Variants in WWOX observed in about 807,000 individuals in gnomAD.
The protein encoded by WWOX is WW domain-containing oxidoreductase.
WWOX carries 69 observed loss-of-function variants against 46.2 expected under a neutral mutation model. That is an observed-to-expected ratio of 1.49 (90% CI 1.23 to 1.82). The LOEUF is 1.82. Ranked by LOEUF, WWOX falls within the 40% of genes most tolerant of loss-of-function variation. WWOX has a pLI of 0.00. For synonymous variants in WWOX, 359 were observed against 202.6 expected (o/e 1.77, Z -6.56); for missense variants, 919 against 542.6 (o/e 1.69, Z -6.89).
intron 5 of WWOX, among the ~76,000 whole-genome samples, chr16:78,385,337 A>G (rs1311215790): frequency 6.6e-6 from 1 of 152,192 alleles, no homozygotes; most frequent in Admixed American, 6.5e-5. Flanking sequence ...GCATCGGGAC[A>G]AGAGTTTTAC....
At chr16:78,826,383 C>T (rs566074608) in intron 8 of WWOX, among the ~76,000 whole-genome samples, 84 of 152,316 alleles carry the variant, frequency 5.5e-4, no homozygotes, top group African/African-American at 2.0e-3. Context: ...TCTCACAGTT[C>T]TGGAGGCCAG....
At chr16:78,660,290 C>T (rs530060119) in intron 8 of WWOX, among the ~76,000 whole-genome samples, 3 of 152,130 alleles carry the variant, frequency 2.0e-5, no homozygotes, top group Non-Finnish European at 2.9e-5. Context: ...CTAAAATGCA[C>T]TTCCGTACAC....
At chr16:78,546,846 G>A (rs1423521499) in intron 8 of WWOX, among the ~76,000 whole-genome samples, 1 of 152,146 alleles carries the variant, frequency 6.6e-6, no homozygotes, top group East Asian at 1.9e-4. Flanking sequence ...CCAGACCTGG[G>A]CCAGGCCCGG....
intron 5 of WWOX, among the ~76,000 whole-genome samples, chr16:78,315,615 A>C (rs573328186): frequency 4.3e-4 from 66 of 152,232 alleles, no homozygotes; most frequent in Admixed American, 3.6e-3. Flanking sequence ...ATGCCACTGT[A>C]CTCCAGCCTG....
intron 8 of WWOX, among the ~76,000 whole-genome samples, chr16:78,702,025 ATATATATATATATATAT>A (rs2048229788): frequency 1.6e-5 from 2 of 121,794 alleles, no homozygotes; most frequent in African/African-American, 8.3e-5. Context: ...ATATATATAT[ATATATATATATATATAT>A]ATAAAATAAT....
At chr16:78,120,011 G>C (rs578152819) in intron 4 of WWOX, among the ~76,000 whole-genome samples, 9 of 152,024 alleles carry the variant, frequency 5.9e-5, no homozygotes, top group Non-Finnish European at 1.2e-4. Context: ...TTGAGCCAAA[G>C]GACCCATTAA....
At chr16:78,604,379 G>A (rs1279092809) in intron 8 of WWOX, among the ~76,000 whole-genome samples, 1 of 152,016 alleles carries the variant, frequency 6.6e-6, no homozygotes, top group African/African-American at 2.4e-5. Context: ...ATGGGCCCTC[G>A]TTTATTCAGC....
chr16:79,017,850 G>T (rs1443198967), intron 8 of WWOX, among the ~76,000 whole-genome samples: 1 of 152,096 alleles, frequency 6.6e-6, no homozygotes, highest in Admixed American at 6.5e-5. Context: ...ACAGGCTGGT[G>T]GGCTGGATTT....
At chr16:78,806,917 A>C (rs1432271046) in intron 8 of WWOX, among the ~76,000 whole-genome samples, 1 of 152,206 alleles carries the variant, frequency 6.6e-6, no homozygotes, top group Non-Finnish European at 1.5e-5. Flanking sequence ...GTATTTGGCA[A>C]GGGGTCAGGA....
intron 8 of WWOX, among the ~76,000 whole-genome samples, chr16:78,782,255 C>T (rs1330475191): frequency 1.3e-5 from 2 of 152,164 alleles, no homozygotes; most frequent in Non-Finnish European, 2.9e-5. Flanking sequence ...TTCTGTCTTC[C>T]CTCTAGTGAC....
intron 8 of WWOX, among the ~76,000 whole-genome samples, chr16:78,974,820 T>G (rs150281786): frequency 2.2e-4 from 33 of 152,278 alleles, no homozygotes; most frequent in Non-Finnish European, 3.8e-4. Context: ...ACCCACAACC[T>G]AAGCCGGGAA....
At chr16:78,958,310 C>G (rs1354665627) in intron 8 of WWOX, among the ~76,000 whole-genome samples, 4 of 152,062 alleles carry the variant, frequency 2.6e-5, no homozygotes, top group Non-Finnish European at 4.4e-5. Flanking sequence ...AACATTTACT[C>G]TATTACTGAA....
chr16:78,983,987 C>T (rs977506210), intron 8 of WWOX, among the ~76,000 whole-genome samples: 1 of 142,314 alleles, frequency 7.0e-6, no homozygotes, highest in African/African-American at 2.6e-5. Context: ...ACGCTATTCT[C>T]CTGCCTCAGC....
At chr16:78,330,920 C>CT (rs1567505693) in intron 5 of WWOX, among the ~76,000 whole-genome samples, 1 of 152,178 alleles carries the variant, frequency 6.6e-6, no homozygotes, top group African/African-American at 2.4e-5. Flanking sequence ...AGTCTCTCCA[C>CT]TTTATTTTTA....
intron 5 of WWOX, 149 bp from the exon 6 acceptor site, chr16:78,386,710 TC>T: frequency 1.9e-6 from 1 of 530,710 alleles, no homozygotes; most frequent in East Asian, 5.8e-5. Context: ...GCCCTGTTCT[TC>T]CATTCATTCC....
At chr16:78,957,496 C>G (rs1288207357) in intron 8 of WWOX, among the ~76,000 whole-genome samples, 2 of 152,178 alleles carry the variant, frequency 1.3e-5, no homozygotes, top group African/African-American at 4.8e-5. Context: ...GGCTGAGACA[C>G]CAGAACAGGT....
intron 8 of WWOX, among the ~76,000 whole-genome samples, chr16:78,668,519 C>T (rs978148875): frequency 2.0e-5 from 3 of 152,102 alleles, no homozygotes; most frequent in Non-Finnish European, 4.4e-5. Context: ...TGAGTAAGAA[C>T]AAGCAGGAAC....
intron 8 of WWOX, among the ~76,000 whole-genome samples, chr16:78,531,688 C>G (rs570223184): frequency 5.9e-5 from 9 of 151,930 alleles, no homozygotes; most frequent in Non-Finnish European, 1.0e-4. Context: ...ACTAAAAATA[C>G]AAAAATTTTT....
chr16:78,707,286 A>T (rs561337791), intron 8 of WWOX, among the ~76,000 whole-genome samples: 8 of 152,382 alleles, frequency 5.2e-5, no homozygotes, highest in South Asian at 2.1e-4. Context: ...AAGTTAACGT[A>T]CATGCAAAAA....
Sources: allele counts gnomAD v4.1 joint callset (sites outside exome capture counted in the v4.1 genomes callset), GRCh38; gene constraint gnomAD v4.1.1; transcripts MANE v1.5; gene names NCBI Gene and HGNC (gene_info 2026-07-23, HGNC 2026-07-21).